The following RB1 variants were observed in gnomAD, a reference collection of about 807,000 sequenced individuals.
The protein encoded by RB1 is RB transcriptional corepressor 1, also known as retinoblastoma-associated protein.
RB1 carries 18 observed loss-of-function variants against 135.4 expected under a neutral mutation model. The ratio of observed to expected loss-of-function variants is 0.13; its 90% CI spans 0.09 to 0.20. The LOEUF (loss-of-function observed/expected upper bound fraction) is 0.20. Ranked by LOEUF, RB1 falls within the 10% of genes least tolerant of loss-of-function variation. The probability of loss-of-function intolerance (pLI) is 1.00; values close to 1 mark genes in which losing one functional copy is unlikely to be tolerated. For synonymous variants in RB1, 365 were observed against 373.2 expected, an observed-to-expected ratio of 0.98 and a Z score of 0.25; for missense variants, 868 against 1,110.0, an observed-to-expected ratio of 0.78 and a Z score of 3.10.
intron 17 of RB1, among the ~76,000 whole-genome samples, chr13:48,399,978 A>G (rs1384451808): frequency 6.6e-6 from 1 of 152,172 alleles, no homozygotes; most frequent in South Asian, 2.1e-4. Context: ...CACATTACCC[A>G]TTCTCTTTGT....
At chr13:48,455,657 A>G (rs767041896) in intron 18 of RB1, among the ~76,000 whole-genome samples, 6 of 152,230 alleles carry the variant, frequency 3.9e-5, no homozygotes, top group Non-Finnish European at 7.3e-5. Flanking sequence ...ACAGAACGAT[A>G]ATATTTGTAA....
Position 48,345,191 on chromosome 13 carries a change from A to G in RB1, c.492A>G (p.Lys164=). ...KYDVLFALFS[K]LERTCELIYL... ...ATGTATTGTTTGCACTCTTCAGCAA[A>G]TTGGAAAGGTAAAGTAAACATTTTA... The change falls in exon 4 of 27, where the codon AAA becomes AAG. Residue 164 remains lysine, a synonymous_variant. Coordinates refer to ENST00000267163, the MANE Select transcript of RB1 (RefSeq NM_000321.3). 1.2e-6 allele frequency: 2 copies of G among 1,612,218 alleles called. No homozygotes were observed. The highest frequency in any genetic ancestry group is 1.7e-6 in the Non-Finnish European group (2 of 1,179,428).
chr13:48,479,354 A>G (rs371067040), intron 26 of RB1, among the ~76,000 whole-genome samples: 187 of 152,358 alleles, frequency 1.2e-3, no homozygotes, highest in African/African-American at 4.4e-3. Context: ...ACTCTGGCAG[A>G]TTCAGTCTGG....
intron 17 of RB1, among the ~76,000 whole-genome samples, chr13:48,393,200 C>T (rs1353601705): frequency 1.3e-5 from 2 of 152,194 alleles, no homozygotes; most frequent in Non-Finnish European, 2.9e-5. Flanking sequence ...ATGCACTGAT[C>T]AGTACTCAGC....
At chr13:48,367,117 T>C (rs866892649) in intron 9 of RB1, among the ~76,000 whole-genome samples, 741 of 10,382 alleles carry the variant, frequency 0.071, 5 homozygotes, top group Non-Finnish European at 0.17. Context: ...AAACTCCATC[T>C]CAAAAAAAAA....
chr13:48,442,895 C>G (rs949692618), intron 17 of RB1, among the ~76,000 whole-genome samples: 1 of 151,956 alleles, frequency 6.6e-6, no homozygotes. Flanking sequence ...TAAAAAAATA[C>G]CCAACACCAC....
At chr13:48,364,208 A>C (rs1952670901) in intron 8 of RB1, among the ~76,000 whole-genome samples, 1 of 152,190 alleles carries the variant, frequency 6.6e-6, no homozygotes, top group East Asian at 1.9e-4. Context: ...ATTTGCAATA[A>C]TTTGAAAAAA....
At chr13:48,465,646 C>A (rs1456468984) in intron 23 of RB1, among the ~76,000 whole-genome samples, 4 of 151,668 alleles carry the variant, frequency 2.6e-5, no homozygotes, top group Non-Finnish European at 4.4e-5. Flanking sequence ...ATCTGAGGTA[C>A]CGGGTTCATC....
chr13:48,430,602 T>C (rs1291693310), intron 17 of RB1, among the ~76,000 whole-genome samples: 2 of 152,084 alleles, frequency 1.3e-5, no homozygotes, highest in African/African-American at 4.8e-5. Flanking sequence ...TAGCTGGGCA[T>C]GGTGGCACGT....
At chr13:48,318,558 G>C (rs1952205945) in intron 2 of RB1, 1 of 712,006 alleles carries the variant, frequency 1.4e-6, no homozygotes, top group Non-Finnish European at 2.3e-6. Context: ...GACCTCGCTG[G>C]CTTTGCCCTG....
At chr13:48,340,430 A>C (rs183843344) in intron 2 of RB1, among the ~76,000 whole-genome samples, 7 of 152,278 alleles carry the variant, frequency 4.6e-5, no homozygotes, top group Non-Finnish European at 7.4e-5. Flanking sequence ...CTTGTAGAAC[A>C]TTTCACTTAT....
intron 17 of RB1, among the ~76,000 whole-genome samples, chr13:48,395,610 C>G (rs1421157921): frequency 2.0e-5 from 3 of 151,500 alleles, no homozygotes; most frequent in Middle Eastern, 3.2e-3. Flanking sequence ...CTGAATCGAT[C>G]AAGCAGAAAA....
chr13:48,313,124 A>G (rs1357475058), intron 2 of RB1, among the ~76,000 whole-genome samples: 2 of 152,084 alleles, frequency 1.3e-5, no homozygotes, highest in African/African-American at 4.8e-5. Flanking sequence ...TTCCATATGA[A>G]TATCTTCCAT....
intron 2 of RB1, chr13:48,318,490 C>A: frequency 8.4e-7 from 1 of 1,187,038 alleles, no homozygotes; most frequent in African/African-American, 1.5e-5. Context: ...TCTGTCTTAC[C>A]CTGGCCCTGC....
intron 2 of RB1, among the ~76,000 whole-genome samples, chr13:48,323,754 G>C (rs1952261137): frequency 6.6e-6 from 1 of 151,962 alleles, no homozygotes; most frequent in African/African-American, 2.4e-5. Context: ...TCTTCATGAG[G>C]AACCATGGAA....
At chr13:48,367,628 G>T in intron 10 of RB1, 25 bp downstream of exon 10, 2 of 1,595,100 alleles carry the variant, frequency 1.3e-6, no homozygotes, top group South Asian at 2.2e-5. Context: ...ATATTTGATT[G>T]ATTTGCTTTA....
intron 17 of RB1, among the ~76,000 whole-genome samples, chr13:48,399,384 A>T (rs939196692): frequency 3.9e-5 from 6 of 152,054 alleles, no homozygotes; most frequent in Non-Finnish European, 7.4e-5. Flanking sequence ...CTGCTAGTGA[A>T]CTAATAATCT....
chr13:48,439,633 C>T (rs1317397052), intron 17 of RB1: 1 of 152,088 alleles, frequency 6.6e-6, no homozygotes, highest in Non-Finnish European at 1.5e-5. Context: ...AGCCCAAATG[C>T]TGGGAAAAAG....
chr13:48,354,557 C>T (rs1952574309), intron 6 of RB1, among the ~76,000 whole-genome samples: 1 of 152,130 alleles, frequency 6.6e-6, no homozygotes, highest in South Asian at 2.1e-4. Context: ...ATACCAATGA[C>T]ATTCTTCACA....
Sources: gnomAD v4.1 joint callset for allele counts (sites outside exome capture counted in the v4.1 genomes callset) on GRCh38, gnomAD v4.1.1 for gene constraint, MANE v1.5 for transcripts, NCBI Gene and HGNC (gene_info 2026-07-23, HGNC 2026-07-21) for gene names.